FKBP8: variants seen among roughly 807,000 people sequenced by gnomAD.
The protein encoded by FKBP8 is peptidyl-prolyl cis-trans isomerase FKBP8.
FKBP8 carries 5 observed loss-of-function variants against 41.7 expected under a neutral mutation model. The observed-to-expected ratio is 0.12, with a 90% confidence interval of 0.06 to 0.25. The LOEUF is 0.25. Ranked by LOEUF, FKBP8 falls within the 10% of genes least tolerant of loss-of-function variation. The pLI is 1.00. For missense variants in FKBP8, 397 were observed against 563.0 expected (o/e 0.71, Z 2.98); for synonymous variants, 279 against 254.5 (o/e 1.10, Z -0.92).
In FKBP8 at chr19:18,539,637, G is replaced by C; in HGVS notation, c.376C>G (p.His126Asp). Reference sequence around the variant, plus strand: ...CCATTCTCCAGCGACGTCTGCAGATGTACGGTGACCACCTGGCCCTTGACC... The same window carrying C: ...CCATTCTCCAGCGACGTCTGCAGATCTACGGTGACCACCTGGCCCTTGACC... ...RPVKGQVVTVHLQTSLENGTR... is the reference protein window; with the variant it reads ...RPVKGQVVTVDLQTSLENGTR... Residue 126 changes from histidine to aspartate, a missense_variant, in exon 3 of 9, where the codon CAT (histidine) becomes GAT (aspartate). His to Asp is a moderately conservative substitution (Grantham distance 81, BLOSUM62 -1). Around this residue, in one of 2 missense-constraint regions of FKBP8, gnomAD observed 172 missense variants for 196.2 expected, o/e 0.88. Transcript: ENST00000608443. 1 of 1,612,794 alleles carries C rather than the reference G, an allele frequency of 6.2e-7. No individual in the cohort carries two copies.
intron 6 of FKBP8, among the ~76,000 whole-genome samples, chr19:18,534,829 C>T (rs942056858): frequency 1.3e-5 from 2 of 151,854 alleles, no homozygotes; most frequent in African/African-American, 2.4e-5. Context: ...TCACTCTCGC[C>T]CAGGCTGGAG....
chr19:18,534,932 C>A (rs1976539392), intron 6 of FKBP8, among the ~76,000 whole-genome samples: 1 of 152,044 alleles, frequency 6.6e-6, no homozygotes, highest in African/African-American at 2.4e-5. Flanking sequence ...GGATTACAGG[C>A]ACCTACCACC....
rs76591841 is a variant in FKBP8, at chr19:18,539,534, C to A, written c.462+17G>T. 5.6e-6 allele frequency: 9 copies of A among 1,612,248 alleles called. No individual in the cohort carries two copies. Among genetic ancestry groups the A allele is most frequent in the Admixed American group, 3.3e-5 (2 of 60,006 alleles). On this transcript the variant is annotated intron_variant, in intron 3 of 8. Coordinates refer to ENST00000608443, the MANE Select transcript of FKBP8 (RefSeq NM_012181.5). ...GGCACGCCCCTCGCCCCTGCCCTGT[C>A]CCGCCCCAGCCCGCACCTGGATGAC...
chr19:18,539,528 C>A (rs1283975160), intron 3 of FKBP8, 23 bp downstream of exon 3: 1 of 1,612,034 alleles, frequency 6.2e-7, no homozygotes, highest in Non-Finnish European at 8.5e-7. Context: ...CTCGCCCCTG[C>A]CCTGTCCCGC....
At position 18,539,473 on chromosome 19, in the gene FKBP8, G is replaced by C; in HGVS notation, c.463-14C>G. Reference sequence around the variant, plus strand: ...GAGATCCAGGGCCTGGGGTGTGTGGGGATAGCCAGCTGTCAGGCAGACTCA... The same window carrying C: ...GAGATCCAGGGCCTGGGGTGTGTGGCGATAGCCAGCTGTCAGGCAGACTCA... On this transcript the variant is annotated splice_polypyrimidine_tract_variant and intron_variant, in intron 3 of 8. Coordinates refer to ENST00000608443, the MANE Select transcript of FKBP8 (RefSeq NM_012181.5). 2.5e-6 allele frequency: 4 copies of C among 1,612,862 alleles called. No individual in the cohort carries two copies. Among genetic ancestry groups the C allele is most frequent in the Non-Finnish European group, 2.5e-6 (3 of 1,179,562 alleles).
At chr19:18,533,390 G>C in intron 6 of FKBP8, 43 bp from the exon 7 acceptor site, 1 of 1,513,104 alleles carries the variant, frequency 6.6e-7, no homozygotes, top group South Asian at 1.2e-5. Flanking sequence ...CCCATACCTG[G>C]GCCTGTCCTT....
chr19:18,532,289 G>A (rs1399257672), intron 8 of FKBP8, 34 bp from the exon 9 acceptor site: 2 of 1,565,564 alleles, frequency 1.3e-6, no homozygotes, highest in South Asian at 1.2e-5. Flanking sequence ...GAAGGGTGGA[G>A]GGAGGTCAAG....
chr19:18,533,318 C>T lies in FKBP8; in HGVS notation c.975G>A (p.Glu325=). The T allele has an allele frequency of 6.2e-7, 1 of 1,606,438 alleles. No homozygotes were observed. The highest frequency in any genetic ancestry group is 1.7e-4 in the Middle Eastern group (1 of 5,984). Residue 325 remains glutamate (E), a synonymous_variant, in exon 7 of 9, where the codon GAG becomes GAA. Transcript: ENST00000608443. ...KVLAQQGEYS[E]AIPILRAALK... ...GGGCTGCCCTCAGGATGGGGATGGC[C>T]TCACTGTACTCCCCCTGCTGGGCCA...
intron 2 of FKBP8, among the ~76,000 whole-genome samples, chr19:18,541,272 T>A (rs1016780384): frequency 1.1e-4 from 16 of 152,162 alleles, no homozygotes; most frequent in Non-Finnish European, 2.2e-4. Context: ...CAGAACACAT[T>A]TTTTGTTTTG....
intron 7 of FKBP8, 189 bp downstream of exon 7, chr19:18,533,081 T>A: frequency 1.5e-6 from 1 of 677,148 alleles, no homozygotes; most frequent in Non-Finnish European, 2.4e-6. Context: ...GCTGGAGGAG[T>A]GAGAGCCCAG....
intron 1 of FKBP8, chr19:18,542,918 C>T (rs1976741678): frequency 7.8e-7 from 1 of 1,280,706 alleles, no homozygotes; most frequent in Non-Finnish European, 1.0e-6. Context: ...CGGAGCCCCA[C>T]TTTGAGAGAC....
rs867077179 is a variant in FKBP8, at chr19:18,538,901, G to A, written c.552-465C>T. Among the ~76,000 whole-genome samples the A allele has an allele frequency of 2.2e-5, 3 of 135,648 alleles. No individual in the cohort carries two copies. The highest frequency in any genetic ancestry group is 2.5e-4 in the South Asian group (1 of 3,990). 89.0% of individuals were successfully genotyped at this position (135,648 alleles called of 152,430 possible). On this transcript the variant is annotated intron_variant, in intron 4 of 8. Transcript: ENST00000608443. The surrounding 1 kb of genome is among the most constrained non-coding windows in gnomAD (Gnocchi z 4.0). ...GCAATCTCGGTTCACTGCAAGCTCC[G>A]CCTCCCGGGTTCACGCCATTTTCCT...
In FKBP8 at chr19:18,533,273, G is replaced by A; in HGVS notation, c.1020C>T (p.Asn340=). 2.5e-6 allele frequency: 4 copies of A among 1,594,974 alleles called. No individual in the cohort carries two copies. The highest frequency in any genetic ancestry group is 3.4e-6 in the Non-Finnish European group (4 of 1,170,392). Residue 340 remains asparagine, a synonymous_variant, in exon 7 of 9, where the codon AAC becomes AAT. Transcript: ENST00000608443. The part of the protein sequence containing the change: ...LRAALKLEPS[N]KTIHAELSKL... ...AGGGCACCCCTGTCCTGCTCACCTT[G>A]TTGGAAGGTTCCAGCTTCAGGGCTG... is the stretch of plus-strand genomic sequence containing the variant.
chr19:18,540,670 G>A (rs1976677118), intron 2 of FKBP8, among the ~76,000 whole-genome samples: 3 of 152,096 alleles, frequency 2.0e-5, no homozygotes, highest in Admixed American at 1.3e-4. Flanking sequence ...TCAGGAGTTC[G>A]AGACCAGCCT....
chr19:18,532,587 T>C lies in FKBP8; in HGVS notation c.1155+77A>G, dbSNP rs1976473777. ...CAGGACGGCCCAGTCTCCGAGGACA[T>C]CCATGTATGCAAAATAAAATCCCTC... On this transcript the variant is annotated intron_variant, in intron 8 of 8. Transcript: ENST00000608443. 1.1e-5 allele frequency: 17 copies of C among 1,567,750 alleles called. No homozygotes were observed. In the South Asian group the frequency reaches 2.0e-4, roughly 18 times the overall value.
chr19:18,537,549 C>T lies in FKBP8; in HGVS notation c.945+52G>A. The T allele has an allele frequency of 1.3e-6, 2 of 1,511,356 alleles. No individual in the cohort carries two copies. The highest frequency in any genetic ancestry group is 1.8e-6 in the Non-Finnish European group (2 of 1,127,360). 93.6% of individuals were successfully genotyped at this position (1,511,356 alleles called of 1,614,324 possible). A position where few individuals can be genotyped will look rare whatever the true frequency, so the allele number is the denominator to read the frequency against. On this transcript the variant is annotated intron_variant, in intron 6 of 8. Coordinates refer to ENST00000608443, the MANE Select transcript of FKBP8 (RefSeq NM_012181.5). The surrounding 1 kb of genome is among the most constrained non-coding windows in gnomAD (Gnocchi z 4.4). ...TTCTCAAATGCAGGGTTGGGGACCA[C>T]CCCGTATACCCCAGGCTGAGTGACC...
Position 18,537,984 on chromosome 19 carries a change from CCT to C in FKBP8, c.773-213_773-212del, listed in dbSNP as rs1976618184. The C allele has an allele frequency of 1.5e-6, 1 of 669,522 alleles. No individual in the cohort carries two copies. Among genetic ancestry groups the C allele is most frequent in the Non-Finnish European group, 2.5e-6 (1 of 399,666 alleles). The allele number at this position is 669,522 out of a possible 1,614,324, so 41.5% of individuals were successfully genotyped here. On this transcript the variant is annotated intron_variant, in intron 5 of 8. Coordinates refer to ENST00000608443, the MANE Select transcript of FKBP8 (RefSeq NM_012181.5). The surrounding 1 kb of genome is among the most constrained non-coding windows in gnomAD (Gnocchi z 4.4). ...TAGCCTGTGGTACATGTGAACTGGC[CCT>C]GTCTATGGTCACCCCATCCCCATAT...
chr19:18,537,648 G>A lies in FKBP8; in HGVS notation c.898C>T (p.Leu300=), dbSNP rs754374382. Residue 300 remains leucine, a synonymous_variant, in exon 6 of 9, where the codon CTG becomes TTG. Transcript: ENST00000608443. The surrounding 1 kb of genome is among the most constrained non-coding windows in gnomAD (Gnocchi z 4.4). ...TTGATGTTGTCTGGCTGGTGCTCCA[G>A]CACAAGGCTGCAGGAGCGCAGGGCT... ...RAALRSCSLV[L]EHQPDNIKAL... The A allele has an allele frequency of 3.1e-6, 5 of 1,612,106 alleles. No homozygotes were observed. Among genetic ancestry groups the A allele is most frequent in the Middle Eastern group, 3.3e-4 (2 of 6,068 alleles).
intron 2 of FKBP8, among the ~76,000 whole-genome samples, chr19:18,541,097 A>G (rs935631670): frequency 8.7e-5 from 13 of 149,906 alleles, no homozygotes; most frequent in African/African-American, 3.0e-4. Flanking sequence ...GAAAACTAAC[A>G]TTTCTCTTGT....
Sources: allele counts gnomAD v4.1 joint callset (sites outside exome capture counted in the v4.1 genomes callset), GRCh38; gene constraint gnomAD v4.1.1; regional missense constraint gnomAD v4.1.1; non-coding constraint Gnocchi (gnomAD v3.1); transcripts MANE v1.5; gene names NCBI Gene and HGNC (gene_info 2026-07-23, HGNC 2026-07-21).